CTNNA2: variants seen among roughly 807,000 people sequenced by gnomAD.
CTNNA2 encodes the protein catenin alpha 2.
In CTNNA2, 42 loss-of-function variants were observed where a neutral mutation model predicts 101.0. The ratio of observed to expected loss-of-function variants is 0.42; its 90% CI spans 0.32 to 0.54. The LOEUF is 0.54. Among genes scored for constraint, CTNNA2 ranks in the 20% least tolerant of loss-of-function variants. The probability of loss-of-function intolerance (pLI) is 0.14; values close to 1 mark genes in which losing one functional copy is unlikely to be tolerated. For synonymous variants in CTNNA2, 450 were observed against 456.4 expected (o/e 0.99, Z 0.18); for missense variants, 871 against 1,223.1 (o/e 0.71, Z 4.29).
intron 3 of CTNNA2, among the ~76,000 whole-genome samples, chr2:79,325,205 T>C (rs1676718060): frequency 1.3e-5 from 2 of 152,058 alleles, no homozygotes; most frequent in Non-Finnish European, 2.9e-5. Context: ...GGTATATCAA[T>C]GGGGGGAAAA....
At chr2:80,116,392 AAAG>A (rs1293737830) in intron 7 of CTNNA2, among the ~76,000 whole-genome samples, 1 of 152,024 alleles carries the variant, frequency 6.6e-6, no homozygotes, top group African/African-American at 2.4e-5. Flanking sequence ...AAAAAAAAAA[AAAG>A]AACGACACAA....
intron 1 of CTNNA2, among the ~76,000 whole-genome samples, chr2:79,617,387 A>G (rs1380330725): frequency 6.6e-6 from 1 of 152,062 alleles, no homozygotes; most frequent in African/African-American, 2.4e-5. Flanking sequence ...TACTTAATTT[A>G]CTGTCTTTTA....
chr2:79,567,091 A>T (rs796847107), intron 1 of CTNNA2, among the ~76,000 whole-genome samples: 10 of 152,292 alleles, frequency 6.6e-5, no homozygotes, highest in African/African-American at 1.9e-4. Context: ...TGAGGAAGTA[A>T]ATGATTCTCT....
At chr2:79,539,769 A>G (rs1021631804) in intron 1 of CTNNA2, among the ~76,000 whole-genome samples, 1 of 152,132 alleles carries the variant, frequency 6.6e-6, no homozygotes, top group African/African-American at 2.4e-5. Context: ...CCACTTCCAC[A>G]TCAATAAATG....
intron 2 of CTNNA2, among the ~76,000 whole-genome samples, chr2:79,211,265 T>C (rs996917662): frequency 6.6e-6 from 1 of 152,204 alleles, no homozygotes; most frequent in African/African-American, 2.4e-5. Context: ...CGGCACACTG[T>C]ACAACTGAGA....
intron 7 of CTNNA2, among the ~76,000 whole-genome samples, chr2:80,146,834 C>T (rs1451306315): frequency 6.9e-6 from 1 of 145,038 alleles, no homozygotes; most frequent in African/African-American, 2.5e-5. Context: ...AAGTGATTCT[C>T]CTGCCTCAGC....
rs142154056 is a variant in CTNNA2 at position 80,214,329 on chromosome 2, A to C, written c.1057-178882A>C. Reference sequence around the variant, plus strand: ...GCATCGATGGTCCTTACAATTTGGCATGTTTTTGCAGTGGCTGGTACCAGT... The same window carrying C: ...GCATCGATGGTCCTTACAATTTGGCCTGTTTTTGCAGTGGCTGGTACCAGT... On this transcript the variant is annotated intron_variant, in intron 7 of 18. Transcript: ENST00000402739. Among the ~76,000 whole-genome samples the C allele has an allele frequency of 9.1e-4, 138 of 152,184 alleles. 2 individuals are homozygous for C. In the East Asian group the frequency reaches 0.016, roughly 17 times the overall value.
chr2:80,056,839 T>C (rs1227476135), intron 7 of CTNNA2, among the ~76,000 whole-genome samples: 1 of 152,202 alleles, frequency 6.6e-6, no homozygotes, highest in Non-Finnish European at 1.5e-5. Context: ...TGGTTGATCC[T>C]GGAACTTCAC....
intron 4 of CTNNA2, among the ~76,000 whole-genome samples, chr2:79,487,499 G>A (rs1010654112): frequency 5.9e-5 from 9 of 152,290 alleles, no homozygotes; most frequent in African/African-American, 2.2e-4. Flanking sequence ...GGGGAATCTT[G>A]CAGTGCTCAT....
chr2:80,048,736 A>G (rs1696685920), intron 7 of CTNNA2, among the ~76,000 whole-genome samples: 1 of 152,198 alleles, frequency 6.6e-6, no homozygotes, highest in Non-Finnish European at 1.5e-5. Context: ...ATAAATATGC[A>G]GGAGGGAACC....
intron 7 of CTNNA2, among the ~76,000 whole-genome samples, chr2:80,275,697 T>G (rs1673845845): frequency 6.6e-6 from 1 of 152,080 alleles, no homozygotes; most frequent in South Asian, 2.1e-4. Flanking sequence ...CTTAAGAATT[T>G]TTCAGAGAGA....
At chr2:80,647,461 C>G (rs772947205) in intron 18 of CTNNA2, 124 bp from the exon 19 acceptor site, 7 of 829,982 alleles carry the variant, frequency 8.4e-6, no homozygotes, top group Non-Finnish European at 1.3e-5. Flanking sequence ...ATAATTTGCT[C>G]CTTTTCAGCA....
At chr2:79,600,440 G>A (rs370402791) in intron 1 of CTNNA2, among the ~76,000 whole-genome samples, 135 of 152,184 alleles carry the variant, frequency 8.9e-4, no homozygotes, top group South Asian at 4.8e-3. Context: ...GGCCTCCCAA[G>A]TGTTGGGATT....
At chr2:80,155,522 C>T (rs1171540107) in intron 7 of CTNNA2, among the ~76,000 whole-genome samples, 1 of 152,150 alleles carries the variant, frequency 6.6e-6, no homozygotes, top group Non-Finnish European at 1.5e-5. Context: ...TACTTGCTTG[C>T]CAGTGACTTC....
intron 2 of CTNNA2, among the ~76,000 whole-genome samples, chr2:79,209,539 TGA>T (rs1674142586): frequency 6.6e-6 from 1 of 152,228 alleles, no homozygotes; most frequent in African/African-American, 2.4e-5. Flanking sequence ...CTTGTATCAG[TGA>T]GAGTCATGAT....
chr2:80,631,039 A>AT (rs1413199574), intron 18 of CTNNA2, among the ~76,000 whole-genome samples: 1 of 152,180 alleles, frequency 6.6e-6, no homozygotes, highest in Non-Finnish European at 1.5e-5. Context: ...TTTTCCTGGC[A>AT]TTTTTTAATG....
intron 3 of CTNNA2, among the ~76,000 whole-genome samples, chr2:79,794,554 C>A (rs990672122): frequency 2.0e-5 from 3 of 152,090 alleles, no homozygotes; most frequent in East Asian, 1.9e-4. Flanking sequence ...CCTTTTCTTT[C>A]TTTCTTTATT....
In CTNNA2 at chr2:79,893,692, G is replaced by C. The variant is rs555720830; in HGVS notation, c.853-15902G>C. Among the ~76,000 whole-genome samples the C allele has an allele frequency of 3.3e-5, 5 of 152,270 alleles. No homozygotes were observed. The South Asian group carries it at 1.0e-3, about 32-fold the overall frequency. ...TTGACCCAAAAGCTTCCAACAAACT[G>C]ATTCTCAAACCAGTGTAACTTTGAT... On this transcript the variant is annotated intron_variant, in intron 6 of 18. Transcript: ENST00000402739.
intron 7 of CTNNA2, among the ~76,000 whole-genome samples, chr2:80,020,991 A>ACCT (rs1694515804): frequency 8.4e-6 from 1 of 119,466 alleles, no homozygotes; most frequent in African/African-American, 3.8e-5. Context: ...ATGACCAATC[A>ACCT]TCTTTTTTTT....
Sources: allele counts gnomAD v4.1 joint callset (sites outside exome capture counted in the v4.1 genomes callset), GRCh38; gene constraint gnomAD v4.1.1; transcripts MANE v1.5; gene names NCBI Gene and HGNC (gene_info 2026-07-23, HGNC 2026-07-21).